Variants in PTAFR observed in about 807,000 individuals in gnomAD.
The protein encoded by PTAFR is platelet-activating factor receptor.
In PTAFR, 8 loss-of-function variants were observed where a neutral mutation model predicts 14.7. That is an observed-to-expected ratio of 0.54 (90% CI 0.32 to 0.98). The LOEUF (loss-of-function observed/expected upper bound fraction) is 0.98. Ranked by LOEUF, PTAFR falls within the 50% of genes least tolerant of loss-of-function variation. The pLI is 0.04. For missense variants in PTAFR, 337 were observed against 451.2 expected, an observed-to-expected ratio of 0.75 and a Z score of 2.29; for synonymous variants, 156 against 176.5, an observed-to-expected ratio of 0.88 and a Z score of 0.92.
intron 1 of PTAFR, among the ~76,000 whole-genome samples, chr1:28,170,140 A>G (rs1012992385): frequency 1.3e-5 from 2 of 152,168 alleles, no homozygotes; most frequent in African/African-American, 4.8e-5. Context: ...ATCACATTGC[A>G]TTATCATAGC....
At chr1:28,165,823 A>C (rs1245162140) in intron 1 of PTAFR, among the ~76,000 whole-genome samples, 1 of 152,154 alleles carries the variant, frequency 6.6e-6, no homozygotes, top group Non-Finnish European at 1.5e-5. Context: ...AGATGACACA[A>C]ATAAATGGAA....
chr1:28,150,592 C>A lies in PTAFR; in HGVS notation c.430G>T (p.Ala144Ser), dbSNP rs753436725. Residue 144 changes from alanine to serine, a missense_variant, in exon 2 of 2, where the codon GCC becomes TCC. Physicochemically the swap from Ala to Ser is moderately conservative, Grantham distance 99 (BLOSUM62 1). Coordinates refer to ENST00000373857, the MANE Select transcript of PTAFR (RefSeq NM_000952.5). This position sits in a 1 kb window ranked among gnomAD's most constrained non-coding sequence, Gnocchi z 6.3. Reference protein sequence around the residue: ...GISLSLVIWVAIVGAASYFLI... With the variant: ...GISLSLVIWVSIVGAASYFLI... ...AAGTAGGATGCAGCTCCCACAATGG[C>A]CACCCAGATGACCAAGGACAAAGAG... is the stretch of plus-strand genomic sequence containing the variant. The A allele has an allele frequency of 1.9e-6, 3 of 1,614,052 alleles. No homozygotes were observed. In the African/African-American group the frequency reaches 4.0e-5, roughly 22 times the overall value.
intron 1 of PTAFR, among the ~76,000 whole-genome samples, chr1:28,172,473 G>A (rs1485085825): frequency 3.3e-5 from 5 of 152,204 alleles, no homozygotes; most frequent in Non-Finnish European, 1.5e-5. Context: ...CTGCACCTGG[G>A]TCTGTTTCTT....
At chr1:28,190,447 C>T (rs1409670676) in intron 1 of PTAFR, among the ~76,000 whole-genome samples, 1 of 152,094 alleles carries the variant, frequency 6.6e-6, no homozygotes, top group Non-Finnish European at 1.5e-5. Context: ...AGTGGATACA[C>T]AACTGTTTTG....
chr1:28,151,309 A>G (rs1355086196), intron 1 of PTAFR, among the ~76,000 whole-genome samples: 1 of 151,662 alleles, frequency 6.6e-6, no homozygotes, highest in African/African-American at 2.4e-5. Flanking sequence ...CCTCCCAAGT[A>G]GCTGGGATTA....
At chr1:28,193,317 T>G (rs1646671371) in intron 1 of PTAFR, among the ~76,000 whole-genome samples, 1 of 152,064 alleles carries the variant, frequency 6.6e-6, no homozygotes, top group Non-Finnish European at 1.5e-5. Flanking sequence ...AAGGATGTTT[T>G]CCCTTGGGTT....
At position 28,150,905 on chromosome 1, in the gene PTAFR, G is replaced by T; in HGVS notation, c.117C>A (p.Val39=). ...TCTTGCAAGGGTACAGGCGGGCAAA[G>T]ACCCACAGCACGTAGCCATTAGCAA... ...GVIANGYVLW[V]FARLYPCKKF... Residue 39 remains valine, a synonymous_variant, in exon 2 of 2, where the codon GTC becomes GTA. Coordinates refer to ENST00000373857, the MANE Select transcript of PTAFR (RefSeq NM_000952.5). This position sits in a 1 kb window ranked among gnomAD's most constrained non-coding sequence, Gnocchi z 6.3. The T allele has an allele frequency of 6.2e-7, 1 of 1,613,868 alleles. No individual in the cohort carries two copies. The highest frequency in any genetic ancestry group is 8.5e-7 in the Non-Finnish European group (1 of 1,179,860).
upstream of PTAFR, among the ~76,000 whole-genome samples, chr1:28,181,160 A>C (rs995513134): frequency 6.6e-6 from 1 of 152,032 alleles, no homozygotes; most frequent in African/African-American, 2.4e-5. Context: ...TGTTATTTGA[A>C]ACCACTAAGT....
intron 1 of PTAFR, among the ~76,000 whole-genome samples, chr1:28,154,331 T>C (rs1394493808): frequency 2.0e-5 from 3 of 152,112 alleles, no homozygotes; most frequent in Non-Finnish European, 4.4e-5. Context: ...CAGATCCAGC[T>C]CTGTTCTTTC....
chr1:28,175,294 A>G (rs1283770210), intron 1 of PTAFR, among the ~76,000 whole-genome samples: 1 of 152,110 alleles, frequency 6.6e-6, no homozygotes, highest in East Asian at 1.9e-4. Flanking sequence ...GCTTGTCAGC[A>G]GGAGCTGAGA....
chr1:28,160,171 T>C (rs1174531088), intron 1 of PTAFR, among the ~76,000 whole-genome samples: 1 of 147,110 alleles, frequency 6.8e-6, no homozygotes, highest in Admixed American at 6.8e-5. Context: ...GCTGTGATTA[T>C]GCCACTGCAC....
chr1:28,177,682 T>C (rs1021640548), upstream of PTAFR, among the ~76,000 whole-genome samples: 5 of 152,178 alleles, frequency 3.3e-5, no homozygotes, highest in Non-Finnish European at 7.4e-5. Context: ...TTCCTCTGTC[T>C]CCTGTATTTT....
At chr1:28,160,567 C>G (rs571544149) in intron 1 of PTAFR, among the ~76,000 whole-genome samples, 1 of 150,746 alleles carries the variant, frequency 6.6e-6, no homozygotes, top group South Asian at 2.1e-4. Flanking sequence ...CCGCCACCCC[C>G]CACACACACA....
intron 1 of PTAFR, among the ~76,000 whole-genome samples, chr1:28,162,784 A>C (rs1646338231): frequency 6.8e-6 from 1 of 147,312 alleles, no homozygotes. Context: ...AGCCAAGATC[A>C]CACCACTGCA....
intron 1 of PTAFR, among the ~76,000 whole-genome samples, chr1:28,189,214 A>C (rs572563155): frequency 6.6e-6 from 1 of 151,952 alleles, no homozygotes; most frequent in Admixed American, 6.6e-5. Context: ...GGTATTTACC[A>C]AAAATATTAA....
chr1:28,171,412 T>C (rs1304131740), intron 1 of PTAFR, among the ~76,000 whole-genome samples: 2 of 152,058 alleles, frequency 1.3e-5, no homozygotes, highest in Admixed American at 1.3e-4. Flanking sequence ...AGGTACTCAA[T>C]ACATGAGTTA....
intron 1 of PTAFR, among the ~76,000 whole-genome samples, chr1:28,151,369 G>A (rs1646186211): frequency 6.6e-6 from 1 of 152,016 alleles, no homozygotes; most frequent in Non-Finnish European, 1.5e-5. Flanking sequence ...GTGGAGATGG[G>A]GTTTCTCCAT....
At chr1:28,185,393 G>A (rs1646598003) in intron 1 of PTAFR, among the ~76,000 whole-genome samples, 1 of 152,178 alleles carries the variant, frequency 6.6e-6, no homozygotes, top group Admixed American at 6.6e-5. Context: ...TTATAAAGGG[G>A]TTGTTCAGTT....
chr1:28,162,448 TC>T (rs1201346865), intron 1 of PTAFR, among the ~76,000 whole-genome samples: 1 of 152,102 alleles, frequency 6.6e-6, no homozygotes, highest in Non-Finnish European at 1.5e-5. Context: ...CAAACTGTGG[TC>T]CTTGGACGAG....
Sources: allele counts gnomAD v4.1 joint callset (sites outside exome capture counted in the v4.1 genomes callset), GRCh38; gene constraint gnomAD v4.1.1; non-coding constraint Gnocchi (gnomAD v3.1); transcripts MANE v1.5; gene names NCBI Gene and HGNC (gene_info 2026-07-23, HGNC 2026-07-21).